CELSR1: variants seen among roughly 807,000 people sequenced by gnomAD.
CELSR1 encodes cadherin EGF LAG seven-pass G-type receptor 1, also known as adhesion G protein-coupled receptor C1.
CELSR1 carries 110 observed loss-of-function variants against 249.1 expected under a neutral mutation model. That is an observed-to-expected ratio of 0.44 (90% CI 0.38 to 0.52). The LOEUF (loss-of-function observed/expected upper bound fraction) is 0.52. CELSR1 is among the 20% of genes least tolerant of loss of function. CELSR1 has a pLI of 0.00. For synonymous variants in CELSR1, 2,113 were observed against 1,900.0 expected (o/e 1.11, Z -2.92); for missense variants, 4,109 against 4,296.4 (o/e 0.96, Z 1.22).
rs1307697470 is a variant in CELSR1, at chr22:46,380,732, C to T, written c.7256+56G>A. 1.3e-5 allele frequency: 21 copies of T among 1,586,026 alleles called. No individual in the cohort carries two copies. The highest frequency in any genetic ancestry group is 4.5e-5 in the East Asian group (2 of 44,540). On this transcript the variant is annotated intron_variant, in intron 22 of 34. Transcript: ENST00000674500. The surrounding 1 kb of genome is among the most constrained non-coding windows in gnomAD (Gnocchi z 5.1). ...CTCTGCCACTGAGCCCCCGACCCTGCGGGGGCACTCTGCCTTGGCAAAGCC... is the reference window on the plus strand; with the variant it reads ...CTCTGCCACTGAGCCCCCGACCCTGTGGGGGCACTCTGCCTTGGCAAAGCC...
chr22:46,394,449 C>A (rs1186090087), intron 13 of CELSR1, among the ~76,000 whole-genome samples, 187 bp from the exon 14 acceptor site: 1 of 152,216 alleles, frequency 6.6e-6, no homozygotes, highest in Non-Finnish European at 1.5e-5. Context: ...CACCCCCCAC[C>A]CACAGATCCA....
intron 5 of CELSR1, among the ~76,000 whole-genome samples, chr22:46,431,352 T>C (rs1413100797): frequency 6.6e-6 from 1 of 152,232 alleles, no homozygotes; most frequent in African/African-American, 2.4e-5. Context: ...ACACTGTTGC[T>C]TCTGCCATAG....
At chr22:46,531,592 G>A (rs1027003950) in intron 1 of CELSR1, among the ~76,000 whole-genome samples, 1 of 152,218 alleles carries the variant, frequency 6.6e-6, no homozygotes, top group Non-Finnish European at 1.5e-5. Context: ...AAGGAAGAGA[G>A]GGGAATGCGA....
At chr22:46,416,527 C>A (rs1399506741) in intron 5 of CELSR1, among the ~76,000 whole-genome samples, 3 of 152,220 alleles carry the variant, frequency 2.0e-5, no homozygotes, top group Admixed American at 2.0e-4. Context: ...AGGGGCTGCC[C>A]ACGGTACCTC....
chr22:46,524,754 A>T (rs1463984087), intron 1 of CELSR1, among the ~76,000 whole-genome samples: 3 of 152,182 alleles, frequency 2.0e-5, no homozygotes, highest in Non-Finnish European at 2.9e-5. Flanking sequence ...TACCCGAAGC[A>T]AAAGCCTAAG....
At chr22:46,376,424 G>A (rs1238833265) in intron 24 of CELSR1, among the ~76,000 whole-genome samples, 2 of 152,150 alleles carry the variant, frequency 1.3e-5, no homozygotes, top group Admixed American at 1.3e-4. Flanking sequence ...GCCCAGGCTG[G>A]AGTGCAGTGG....
At position 46,533,759 on chromosome 22, in the gene CELSR1, G is replaced by T; in HGVS notation, c.3412C>A (p.Leu1138Ile). 6.2e-7 allele frequency: 1 copy of T among 1,613,522 alleles called. No individual in the cohort carries two copies. Among genetic ancestry groups the T allele is most frequent in the Non-Finnish European group, 8.5e-7 (1 of 1,180,034 alleles). The change falls in exon 1 of 35, where the codon CTC becomes ATC. Residue 1138 changes from leucine (L) to isoleucine (I), a missense_variant. This residue lies in a region of CELSR1 where 886 missense variants were observed against 896.5 expected (regional missense o/e 0.99). Transcript: ENST00000674500. ...TTGCCCTGCACGAAGGTGTAGTTGA[G>T]GCTGTCTGACACGTCGGGGTCATGG... ...PAHDPDVSDS[L>I]NYTFVQGNEL... is the part of the protein sequence containing the mutation.
At position 46,381,740 on chromosome 22, in the gene CELSR1, G is replaced by A. The variant is rs2078979517; in HGVS notation, c.7088+106C>T. On this transcript the variant is annotated intron_variant, in intron 21 of 34. Coordinates refer to ENST00000674500, the MANE Select transcript of CELSR1 (RefSeq NM_001378328.1). The surrounding 1 kb of genome is among the most constrained non-coding windows in gnomAD (Gnocchi z 6.0). ...CTCTGGGCCAGGGTCACGGTGAAAT[G>A]TCACTGTGAAGACCTGTGCTTGATC... 7.6e-6 allele frequency: 8 copies of A among 1,045,940 alleles called. No homozygotes were observed. Among genetic ancestry groups the A allele is most frequent in the East Asian group, 5.2e-5 (2 of 38,238 alleles). The allele number at this position is 1,045,940 out of a possible 1,614,324, so 64.8% of individuals were successfully genotyped here.
intron 1 of CELSR1, among the ~76,000 whole-genome samples, chr22:46,522,082 TTGTG>T (rs1298975423): frequency 6.6e-6 from 1 of 152,150 alleles, no homozygotes; most frequent in Non-Finnish European, 1.5e-5. Context: ...TGGGGTTTTT[TTGTG>T]TGTGTGTCAG....
chr22:46,485,937 T>C (rs1280351899), intron 1 of CELSR1, among the ~76,000 whole-genome samples: 6 of 69,974 alleles, frequency 8.6e-5, no homozygotes, highest in South Asian at 1.1e-3. Flanking sequence ...TACTTTTTTT[T>C]TTTTTTTTTT....
chr22:46,507,411 C>T (rs1285465368), intron 1 of CELSR1, among the ~76,000 whole-genome samples: 1 of 152,062 alleles, frequency 6.6e-6, no homozygotes, highest in Non-Finnish European at 1.5e-5. Context: ...GGCAGGGGGC[C>T]CATGATGACC....
At chr22:46,422,267 G>T (rs75325050) in intron 5 of CELSR1, among the ~76,000 whole-genome samples, 1 of 151,764 alleles carries the variant, frequency 6.6e-6, no homozygotes, top group African/African-American at 2.4e-5. Context: ...CACCACGCCC[G>T]GCTAATTTTT....
Position 46,364,158 on chromosome 22 carries a change from T to C in CELSR1, c.8873A>G (p.Glu2958Gly), listed in dbSNP as rs747351734. 3.7e-6 allele frequency: 6 copies of C among 1,612,342 alleles called. No homozygotes were observed. The highest frequency in any genetic ancestry group is 5.1e-6 in the Non-Finnish European group (6 of 1,179,798). Residue 2958 changes from glutamate to glycine, a missense_variant, in exon 34 of 35, where the codon GAG (glutamate) becomes GGG (glycine). By Grantham distance (98) the Glu-to-Gly change is moderately conservative. Coordinates refer to ENST00000674500, the MANE Select transcript of CELSR1 (RefSeq NM_001378328.1). ...CGTGCGCGAGGATGTGGGGCTCTGC[T>C]CACAGTCGGCCAGCTTCTCCCGGAG... ...GRLREKLADC[E>G]QSPTSSRTSS... is the part of the protein sequence containing the mutation.
At chr22:46,371,968 A>C (rs2078857131) in intron 25 of CELSR1, among the ~76,000 whole-genome samples, 2 of 124,378 alleles carry the variant, frequency 1.6e-5, no homozygotes, top group African/African-American at 6.3e-5. Context: ...CCATCCATCC[A>C]CTCAACTCAC....
Position 46,363,118 on chromosome 22 carries a change from C to T in CELSR1, c.*105G>A, listed in dbSNP as rs2078723927. 6.2e-7 allele frequency: 1 copy of T among 1,611,342 alleles called. No individual in the cohort carries two copies. The highest frequency in any genetic ancestry group is 2.2e-5 in the East Asian group (1 of 44,872). On this transcript the variant is annotated 3_prime_UTR_variant, in exon 35 of 35. Transcript: ENST00000674500. The surrounding 1 kb of genome is among the most constrained non-coding windows in gnomAD (Gnocchi z 4.3). ...GCCCACTCCACTTCAAGGGCAGTGG[C>T]CCCTTGGGCTCCAAGGTCTGAGGGT...
chr22:46,375,279 T>C (rs1464099061), intron 24 of CELSR1, among the ~76,000 whole-genome samples: 1 of 152,148 alleles, frequency 6.6e-6, no homozygotes, highest in Non-Finnish European at 1.5e-5. Flanking sequence ...CACACCTTCC[T>C]TGGCCTCTGC....
In CELSR1 at chr22:46,380,658, G is replaced by C; in HGVS notation, c.7256+130C>G. On this transcript the variant is annotated intron_variant, in intron 22 of 34. Transcript: ENST00000674500. The surrounding 1 kb of genome is among the most constrained non-coding windows in gnomAD (Gnocchi z 5.1). ...AGCAGGAGGCTCACTGCCCCCACGGGGGACTTAAAGGGGAAACACAGACCA... is the reference window on the plus strand; with the variant it reads ...AGCAGGAGGCTCACTGCCCCCACGGCGGACTTAAAGGGGAAACACAGACCA... The C allele has an allele frequency of 9.4e-7, 1 of 1,059,408 alleles. No homozygotes were observed. The highest frequency in any genetic ancestry group is 1.4e-6 in the Non-Finnish European group (1 of 733,498). The allele number at this position is 1,059,408 out of a possible 1,614,324, so 65.6% of individuals were successfully genotyped here.
chr22:46,454,779 G>A lies in CELSR1; in HGVS notation c.4183+8928C>T, dbSNP rs551749248. Among the ~76,000 whole-genome samples the A allele has an allele frequency of 9.9e-4, 151 of 152,328 alleles. No individual in the cohort carries two copies. Among genetic ancestry groups the A allele is most frequent in the Admixed American group, 1.8e-3 (27 of 15,302 alleles). On this transcript the variant is annotated intron_variant, in intron 2 of 34. Transcript: ENST00000674500. This position sits in a 1 kb window ranked among gnomAD's most constrained non-coding sequence, Gnocchi z 5.1. ...TGGCCCGTGGTCCTCGCAGACACGC[G>A]ACAGGCAGGCCAGTGAGAAGCGCCA...
At chr22:46,499,397 A>G (rs1212560513) in intron 1 of CELSR1, among the ~76,000 whole-genome samples, 1 of 152,176 alleles carries the variant, frequency 6.6e-6, no homozygotes, top group Non-Finnish European at 1.5e-5. Flanking sequence ...CTTAGTACCC[A>G]TCAGATTGGC....
Sources: gnomAD v4.1 joint callset for allele counts (sites outside exome capture counted in the v4.1 genomes callset) on GRCh38, gnomAD v4.1.1 for gene constraint, gnomAD v4.1.1 regional missense constraint, Gnocchi (gnomAD v3.1) non-coding constraint, MANE v1.5 for transcripts, NCBI Gene and HGNC (gene_info 2026-07-23, HGNC 2026-07-21) for gene names.